Variants in EFCAB14 observed in about 807,000 individuals in gnomAD.
EFCAB14 encodes EF-hand calcium-binding domain-containing protein 14.
A neutral mutation model predicts 56.5 loss-of-function variants in EFCAB14; 43 were observed. The observed-to-expected ratio is 0.76, with a 90% CI of 0.60 to 0.98. The LOEUF is 0.98. Ranked by LOEUF, EFCAB14 falls within the 50% of genes least tolerant of loss-of-function variation. The pLI is 0.00. For synonymous variants in EFCAB14, 235 were observed against 212.9 expected (o/e 1.10, Z -0.90); for missense variants, 538 against 580.3 (o/e 0.93, Z 0.75).
At chr1:46,695,379 C>T (rs1160122387) in intron 4 of EFCAB14, among the ~76,000 whole-genome samples, 3 of 151,840 alleles carry the variant, frequency 2.0e-5, no homozygotes, top group African/African-American at 7.3e-5. Flanking sequence ...TTTTTCCCCC[C>T]GAATTTGTAA....
chr1:46,692,051 T>C, intron 4 of EFCAB14, 114 bp from the exon 5 acceptor site: 2 of 709,114 alleles, frequency 2.8e-6, no homozygotes, highest in Non-Finnish European at 4.5e-6. Flanking sequence ...TAAACAATTG[T>C]GAAACCAGTA....
chr1:46,686,085 G>T (rs372356569), intron 8 of EFCAB14, among the ~76,000 whole-genome samples: 5 of 152,252 alleles, frequency 3.3e-5, no homozygotes, highest in East Asian at 1.9e-4. Context: ...TAGTCACTTG[G>T]TCATAATCTT....
At chr1:46,691,737 G>A in intron 5 of EFCAB14, 90 bp downstream of exon 5, 1 of 816,334 alleles carries the variant, frequency 1.2e-6, no homozygotes, top group Non-Finnish European at 2.0e-6. Flanking sequence ...ATGCATAGCA[G>A]GGCCTTTTCA....
chr1:46,697,498 T>C (rs1677093535), intron 3 of EFCAB14, among the ~76,000 whole-genome samples: 1 of 152,192 alleles, frequency 6.6e-6, no homozygotes, highest in South Asian at 2.1e-4. Context: ...CTAAACCGCT[T>C]TCCCATTCTA....
At chr1:46,697,232 C>T (rs1260849491) in intron 3 of EFCAB14, among the ~76,000 whole-genome samples, 2 of 152,204 alleles carry the variant, frequency 1.3e-5, no homozygotes, top group Non-Finnish European at 2.9e-5. Context: ...TCTACCAGAG[C>T]ACTACTTTGT....
intron 2 of EFCAB14, among the ~76,000 whole-genome samples, chr1:46,709,181 GCACT>G (rs1427182202): frequency 7.2e-5 from 11 of 152,010 alleles, no homozygotes; most frequent in East Asian, 1.9e-4. Flanking sequence ...AAAATTTTAA[GCACT>G]CAATCAATAT....
chr1:46,716,577 G>A (rs1055897050), intron 1 of EFCAB14, 134 bp from the exon 2 acceptor site: 12 of 987,064 alleles, frequency 1.2e-5, no homozygotes, highest in African/African-American at 9.8e-5. Flanking sequence ...GGGAGGCAGG[G>A]TAAAGCACTT....
Position 46,676,998 on chromosome 1 carries a change from TTTCTCCC to T in EFCAB14, c.*1456_*1462del. 1 of 152,762 alleles carries T rather than the reference TTTCTCCC, an allele frequency of 6.5e-6. No individual in the cohort carries two copies. Among genetic ancestry groups the T allele is most frequent in the African/African-American group, 2.4e-5 (1 of 41,588 alleles). 9.5% of individuals were successfully genotyped at this position (152,762 alleles called of 1,614,324 possible). The stretch of plus-strand genomic sequence containing the variant: ...TCTGTGGCATGACAGCTTTCTCTAC[TTTCTCCC>T]TGACTTGGCCTATACCAAAGTTAAG... On this transcript the variant is annotated 3_prime_UTR_variant, in exon 11 of 11. Transcript: ENST00000371933.
Position 46,676,860 on chromosome 1 carries a change from C to T in EFCAB14, c.*1601G>A, listed in dbSNP as rs1456679194. 2 of 146,452 alleles carry T rather than the reference C, an allele frequency of 1.4e-5. No homozygotes were observed. The highest frequency in any genetic ancestry group is 7.1e-5 in the Admixed American group (1 of 14,008). The allele number at this position is 146,452 out of a possible 1,614,324, so 9.1% of individuals were successfully genotyped here. A position where few individuals can be genotyped will look rare whatever the true frequency, so the allele number is the denominator to read the frequency against. The stretch of plus-strand genomic sequence containing the variant: ...TAAGTTTGGTTAATACCAAGCTGAA[C>T]ATCATGTAAAGAAAAAAAAAACAGC... On this transcript the variant is annotated 3_prime_UTR_variant, in exon 11 of 11. Coordinates refer to ENST00000371933, the MANE Select transcript of EFCAB14 (RefSeq NM_014774.3).
intron 10 of EFCAB14, among the ~76,000 whole-genome samples, chr1:46,680,969 A>C (rs766648931): frequency 8.8e-4 from 132 of 150,354 alleles, no homozygotes; most frequent in Admixed American, 2.1e-3. Flanking sequence ...AGTTATATAC[A>C]TAACTTTTTT....
At position 46,678,432 on chromosome 1, in the gene EFCAB14, A is replaced by G. The variant is rs371756948; in HGVS notation, c.*29T>C. 50 of 1,612,314 alleles carry G rather than the reference A, an allele frequency of 3.1e-5. No individual in the cohort carries two copies. The highest frequency in any genetic ancestry group is 3.9e-5 in the Non-Finnish European group (46 of 1,179,224). Reference sequence around the variant, plus strand: ...GTTGTTAGGTAAATAGATATTAGGCAGTCCATTTCTAAAATATGCCTGATG... The same window carrying G: ...GTTGTTAGGTAAATAGATATTAGGCGGTCCATTTCTAAAATATGCCTGATG... On this transcript the variant is annotated 3_prime_UTR_variant, in exon 11 of 11. Transcript: ENST00000371933.
chr1:46,712,140 C>T (rs1276973828), intron 2 of EFCAB14, among the ~76,000 whole-genome samples: 1 of 152,182 alleles, frequency 6.6e-6, no homozygotes, highest in Non-Finnish European at 1.5e-5. Flanking sequence ...GCTCCTAGGA[C>T]CAGTACTTTT....
intron 8 of EFCAB14, chr1:46,686,537 CA>C: frequency 2.0e-6 from 1 of 497,362 alleles, no homozygotes; most frequent in East Asian, 3.8e-5. Flanking sequence ...AGCTCCACCA[CA>C]ATAGGGGTCA....
Position 46,686,513 on chromosome 1 carries a change from C to T in EFCAB14, c.1074+271G>A, listed in dbSNP as rs58814507. On this transcript the variant is annotated intron_variant, in intron 8 of 10. Transcript: ENST00000371933. ...CAATTATGTGTTAACGATTTTCTGACTGACAGGACTTTGAGCTCCACCACA... is the reference window on the plus strand; with the variant it reads ...CAATTATGTGTTAACGATTTTCTGATTGACAGGACTTTGAGCTCCACCACA... Among the ~76,000 whole-genome samples, 642 of 152,302 alleles carry T rather than the reference C, an allele frequency of 4.2e-3. 1 individual carries two copies. Among genetic ancestry groups the T allele is most frequent in the African/African-American group, 0.014 (590 of 41,560 alleles).
chr1:46,694,590 G>A lies in EFCAB14; in HGVS notation c.579+1961C>T, dbSNP rs547532387. ...AAATCAGGAAACAACAGGTGCTGGA[G>A]AGGATGTGGAGAAATAGGAACACTT... On this transcript the variant is annotated intron_variant, in intron 4 of 10. Transcript: ENST00000371933. 6.5e-3 allele frequency among the ~76,000 whole-genome samples: 989 copies of A among 152,324 alleles called. 4 individuals carry two copies. The highest frequency in any genetic ancestry group is 9.9e-3 in the Non-Finnish European group (676 of 68,034).
chr1:46,678,456 T>C lies in EFCAB14; in HGVS notation c.*5A>G. On this transcript the variant is annotated 3_prime_UTR_variant, in exon 11 of 11. Coordinates refer to ENST00000371933, the MANE Select transcript of EFCAB14 (RefSeq NM_014774.3). ...CAGTCCATTTCTAAAATATGCCTGATGAAGCTAGATACCTAAAGCTACCCT... is the reference window on the plus strand; with the variant it reads ...CAGTCCATTTCTAAAATATGCCTGACGAAGCTAGATACCTAAAGCTACCCT... The C allele has an allele frequency of 6.2e-7, 1 of 1,613,980 alleles. No individual in the cohort carries two copies. The highest frequency in any genetic ancestry group is 8.5e-7 in the Non-Finnish European group (1 of 1,179,990).
intron 3 of EFCAB14, among the ~76,000 whole-genome samples, chr1:46,707,144 T>A (rs1397055022): frequency 6.6e-6 from 1 of 152,220 alleles, no homozygotes; most frequent in African/African-American, 2.4e-5. Flanking sequence ...CAATACCTTC[T>A]CAGCCCCAAG....
At chr1:46,683,879 T>G (rs1256551357) in intron 9 of EFCAB14, among the ~76,000 whole-genome samples, 2 of 152,214 alleles carry the variant, frequency 1.3e-5, no homozygotes, top group African/African-American at 4.8e-5. Flanking sequence ...CCACCACAGT[T>G]CTGTCTCCTA....
chr1:46,716,503 AG>A, intron 1 of EFCAB14, 60 bp from the exon 2 acceptor site: 1 of 1,585,248 alleles, frequency 6.3e-7, no homozygotes, highest in East Asian at 2.2e-5. Context: ...TAGCTTTATT[AG>A]CAATAGTACA....
Sources: allele counts gnomAD v4.1 joint callset (sites outside exome capture counted in the v4.1 genomes callset), GRCh38; gene constraint gnomAD v4.1.1; transcripts MANE v1.5; gene names NCBI Gene and HGNC (gene_info 2026-07-23, HGNC 2026-07-21).